Variants in PRDM16 observed in about 807,000 individuals in gnomAD.
PRDM16 encodes the protein histone-lysine N-methyltransferase PRDM16.
Under a neutral mutation model 110.6 loss-of-function variants are expected in PRDM16, and 23 were observed. That is an observed-to-expected ratio of 0.21 (90% CI 0.15 to 0.29). The LOEUF is 0.29. Ranked by LOEUF, PRDM16 falls within the 10% of genes least tolerant of loss-of-function variation. The pLI is 1.00. For missense variants in PRDM16, 1,615 were observed against 1,794.3 expected (o/e 0.90, Z 1.81); for synonymous variants, 799 against 781.8 (o/e 1.02, Z -0.37).
rs886908974 is a variant in PRDM16, at chr1:3,412,345, G to C, written c.2148G>C (p.Leu716=). The change falls in exon 9 of 17, where the codon CTG becomes CTC. Residue 716 remains leucine, a synonymous_variant. Transcript: ENST00000270722. Reference sequence around the variant, plus strand: ...TCATGGGGATGCAGGAGAAGAAGCTGGGCTCGCTCCCCTACCACTCGGCGT... The same window carrying C: ...TCATGGGGATGCAGGAGAAGAAGCTCGGCTCGCTCCCCTACCACTCGGCGT... ...PGFMGMQEKK[L]GSLPYHSAFP... 8.7e-6 allele frequency: 14 copies of C among 1,613,622 alleles called. No individual in the cohort carries two copies. Among genetic ancestry groups the C allele is most frequent in the Non-Finnish European group, 1.1e-5 (13 of 1,180,038 alleles).
chr1:3,250,123 TC>T (rs1372027273), intron 3 of PRDM16, among the ~76,000 whole-genome samples: 1 of 70,060 alleles, frequency 1.4e-5, no homozygotes, highest in Non-Finnish European at 3.0e-5. Flanking sequence ...CTCTCCCCCC[TC>T]CCCCCACCCC....
At chr1:3,299,548 T>C (rs1641165847) in intron 3 of PRDM16, among the ~76,000 whole-genome samples, 4 of 123,110 alleles carry the variant, frequency 3.2e-5, no homozygotes, top group Admixed American at 3.1e-4. Flanking sequence ...GTGGCCGTGA[T>C]GTTTCCGATC....
chr1:3,099,963 C>T (rs922955599), intron 1 of PRDM16, among the ~76,000 whole-genome samples: 9 of 152,114 alleles, frequency 5.9e-5, no homozygotes, highest in African/African-American at 2.2e-4. Flanking sequence ...AGGGCTGCCC[C>T]CAGGAGGCAC....
At position 3,376,819 on chromosome 1, in the gene PRDM16, G is replaced by A. The variant is rs115193217; in HGVS notation, c.439-8333G>A. 7.1e-3 allele frequency among the ~76,000 whole-genome samples: 991 copies of A among 139,474 alleles called. 13 individuals carry two copies. The highest frequency in any genetic ancestry group is 0.07 in the South Asian group (280 of 3,988). 91.5% of individuals were successfully genotyped at this position (139,474 alleles called of 152,430 possible). A position where few individuals can be genotyped will look rare whatever the true frequency, so the allele number is the denominator to read the frequency against. ...CAGGTGGGCCCCAGGCTTGCTGACC[G>A]CCGACCAGGCCTCCTGTGTCCCTGG... On this transcript the variant is annotated intron_variant, in intron 3 of 16. Coordinates refer to ENST00000270722, the MANE Select transcript of PRDM16 (RefSeq NM_022114.4).
rs887256494 is a variant in PRDM16 at position 3,245,896 on chromosome 1, G to A, written c.438+1759G>A. The stretch of plus-strand genomic sequence containing the variant: ...ATCACTGGGTTTTCCACCCCGATGC[G>A]TCCCTGGACCGTCTGACATTTTCAA... On this transcript the variant is annotated intron_variant, in intron 3 of 16. Transcript: ENST00000270722. The surrounding 1 kb of genome is among the most constrained non-coding windows in gnomAD (Gnocchi z 4.7). 2.0e-5 allele frequency among the ~76,000 whole-genome samples: 3 copies of A among 152,130 alleles called. No homozygotes were observed. The highest frequency in any genetic ancestry group is 7.2e-5 in the African/African-American group (3 of 41,410).
chr1:3,273,371 A>G (rs2455129), intron 3 of PRDM16, among the ~76,000 whole-genome samples: 13,331 of 152,094 alleles, frequency 0.088, 1,958 homozygotes, highest in African/African-American at 0.3. Context: ...TTATGATCCT[A>G]CCCATGGTGC....
At chr1:3,362,369 C>T (rs1158324095) in intron 3 of PRDM16, among the ~76,000 whole-genome samples, 1 of 152,166 alleles carries the variant, frequency 6.6e-6, no homozygotes, top group East Asian at 1.9e-4. Context: ...ACCAGGCAAT[C>T]AAAGCAGACT....
intron 1 of PRDM16, among the ~76,000 whole-genome samples, chr1:3,126,979 C>T (rs1024861136): frequency 6.6e-6 from 1 of 152,216 alleles, no homozygotes; most frequent in African/African-American, 2.4e-5. Context: ...GCAGGACCAC[C>T]ATCGGCCCCG....
In PRDM16 at chr1:3,162,884, G is replaced by A. The variant is rs545428284; in HGVS notation, c.38-23241G>A. ...GGCTCTAGAGGGCTTTGGGAGAGGG[G>A]ATGTGCGCAGAAGCCCCTGGCATGG... On this transcript the variant is annotated intron_variant, in intron 1 of 16. Coordinates refer to ENST00000270722, the MANE Select transcript of PRDM16 (RefSeq NM_022114.4). Among the ~76,000 whole-genome samples the A allele has an allele frequency of 2.0e-5, 3 of 147,222 alleles. 1 individual carries two copies. The highest frequency in any genetic ancestry group is 4.4e-5 in the Non-Finnish European group (3 of 67,900).
At chr1:3,071,380 C>A (rs1245157999) in intron 1 of PRDM16, among the ~76,000 whole-genome samples, 2 of 152,266 alleles carry the variant, frequency 1.3e-5, no homozygotes, top group Non-Finnish European at 2.9e-5. Context: ...GAGCGCCGAG[C>A]GCTGGCTTCC....
intron 3 of PRDM16, among the ~76,000 whole-genome samples, chr1:3,257,039 G>A (rs890954117): frequency 2.6e-5 from 4 of 152,176 alleles, no homozygotes; most frequent in East Asian, 1.9e-4. Context: ...AATGAACACC[G>A]ATGGGGGTGT....
chr1:3,114,165 G>T (rs866130033), intron 1 of PRDM16, among the ~76,000 whole-genome samples: 1 of 129,052 alleles, frequency 7.7e-6, no homozygotes, highest in African/African-American at 2.9e-5. Context: ...ACACACACAC[G>T]CACACACACG....
intron 16 of PRDM16, among the ~76,000 whole-genome samples, chr1:3,432,440 T>C (rs1638793946): frequency 1.3e-5 from 2 of 152,216 alleles, no homozygotes; most frequent in South Asian, 4.1e-4. Context: ...AGCAGGTTTC[T>C]GGCCCGCCCA....
At chr1:3,311,513 AAG>A (rs1463581364) in intron 3 of PRDM16, among the ~76,000 whole-genome samples, 1 of 152,226 alleles carries the variant, frequency 6.6e-6, no homozygotes, top group African/African-American at 2.4e-5. Context: ...CAGTAGGAGA[AAG>A]AGAAGAAATG....
chr1:3,334,771 G>T (rs978267563), intron 3 of PRDM16, among the ~76,000 whole-genome samples: 2 of 152,164 alleles, frequency 1.3e-5, no homozygotes, highest in East Asian at 3.9e-4. Context: ...CCAAGTGCTC[G>T]CCGGGAACAG....
chr1:3,137,021 G>A (rs75198611), intron 1 of PRDM16, among the ~76,000 whole-genome samples: 20 of 152,278 alleles, frequency 1.3e-4, no homozygotes, highest in Non-Finnish European at 2.5e-4. Context: ...TCCCATCACC[G>A]GACAGATGGG....
chr1:3,128,089 G>T (rs1475123985), intron 1 of PRDM16: 2 of 154,736 alleles, frequency 1.3e-5, no homozygotes, highest in Non-Finnish European at 2.9e-5. Context: ...CGTCAGCCCC[G>T]CTGTGGAGGG....
chr1:3,225,573 T>TGTGCGTGCGC (rs1336272072), intron 2 of PRDM16, among the ~76,000 whole-genome samples: 17 of 129,804 alleles, frequency 1.3e-4, no homozygotes, highest in African/African-American at 3.7e-4. Flanking sequence ...TGTGTGTGTG[T>TGTGCGTGCGC]GCGCGCGCGC....
At chr1:3,088,714 T>C (rs1307264803) in intron 1 of PRDM16, among the ~76,000 whole-genome samples, 2 of 151,018 alleles carry the variant, frequency 1.3e-5, no homozygotes, top group Non-Finnish European at 2.9e-5. Context: ...CCTCTCAGAG[T>C]GTTGGGATTA....
Sources: gnomAD v4.1 joint callset for allele counts (sites outside exome capture counted in the v4.1 genomes callset) on GRCh38, gnomAD v4.1.1 for gene constraint, Gnocchi (gnomAD v3.1) non-coding constraint, MANE v1.5 for transcripts, NCBI Gene and HGNC (gene_info 2026-07-23, HGNC 2026-07-21) for gene names.